Variants in VPS13B observed in about 807,000 individuals in gnomAD.
The protein encoded by VPS13B is intermembrane lipid transfer protein VPS13B.
A neutral mutation model predicts 426.4 loss-of-function variants in VPS13B; 285 were observed. The observed-to-expected ratio is 0.67, with a 90% CI of 0.61 to 0.74. The LOEUF (loss-of-function observed/expected upper bound fraction) is 0.74, where lower values mean the gene tolerates loss of function less well. VPS13B is among the 30% of genes least tolerant of loss of function. The pLI is 0.00. For synonymous variants in VPS13B, 1,676 were observed against 1,676.4 expected (o/e 1.00, Z 0.01); for missense variants, 4,537 against 4,782.6 (o/e 0.95, Z 1.51).
At chr8:99,700,643 T>C (rs1339546702) in intron 36 of VPS13B, among the ~76,000 whole-genome samples, 2 of 152,228 alleles carry the variant, frequency 1.3e-5, no homozygotes, top group African/African-American at 4.8e-5. Flanking sequence ...GATGGGAGGA[T>C]ATGTGAGAAA....
intron 27 of VPS13B, among the ~76,000 whole-genome samples, chr8:99,504,446 TTACTGC>T (rs1821393977): frequency 6.6e-6 from 1 of 152,216 alleles, no homozygotes; most frequent in South Asian, 2.1e-4. Context: ...AAAGACAGAA[TTACTGC>T]TTGATCCATG....
At chr8:99,090,253 T>C (rs1846065518) in intron 3 of VPS13B, among the ~76,000 whole-genome samples, 1 of 151,740 alleles carries the variant, frequency 6.6e-6, no homozygotes. Context: ...CTTTGTGACA[T>C]GTATAATCAT....
chr8:99,377,033 G>T (rs1813527666), intron 19 of VPS13B, among the ~76,000 whole-genome samples: 1 of 151,960 alleles, frequency 6.6e-6, no homozygotes. Context: ...TGTTGGCTGA[G>T]AAGTTGGTCA....
At chr8:99,754,976 T>A (rs545839378) in intron 39 of VPS13B, among the ~76,000 whole-genome samples, 2 of 152,192 alleles carry the variant, frequency 1.3e-5, no homozygotes, top group Non-Finnish European at 2.9e-5. Flanking sequence ...CTTGAGGCAG[T>A]GGGAACCAGT....
At chr8:99,845,969 T>C (rs1035738493) in intron 54 of VPS13B, among the ~76,000 whole-genome samples, 2 of 152,204 alleles carry the variant, frequency 1.3e-5, no homozygotes, top group African/African-American at 4.8e-5. Flanking sequence ...CAATTCTGCC[T>C]TTAGCCCATT....
At chr8:99,261,858 A>G (rs1363875237) in intron 17 of VPS13B, among the ~76,000 whole-genome samples, 8 of 152,182 alleles carry the variant, frequency 5.3e-5, no homozygotes. Context: ...CATTTTATGT[A>G]TTTATTTCAT....
chr8:99,490,553 C>CTATTAAT (rs1027499958), intron 25 of VPS13B, among the ~76,000 whole-genome samples: 1 of 152,082 alleles, frequency 6.6e-6, no homozygotes, highest in African/African-American at 2.4e-5. Flanking sequence ...GGTTGGTAGG[C>CTATTAAT]TATTAATTTT....
chr8:99,208,712 C>T (rs1030761283), intron 17 of VPS13B, among the ~76,000 whole-genome samples: 5 of 152,080 alleles, frequency 3.3e-5, no homozygotes, highest in African/African-American at 1.2e-4. Flanking sequence ...TGATAAAAGT[C>T]TTATTATCAT....
intron 43 of VPS13B, among the ~76,000 whole-genome samples, chr8:99,800,372 T>C (rs1813060629): frequency 6.6e-6 from 1 of 152,154 alleles, no homozygotes; most frequent in Non-Finnish European, 1.5e-5. Context: ...GGGAAGCCTT[T>C]AGAAGAATGA....
chr8:99,803,683 A>T (rs1813247142), intron 43 of VPS13B, among the ~76,000 whole-genome samples: 1 of 152,228 alleles, frequency 6.6e-6, no homozygotes, highest in South Asian at 2.1e-4. Context: ...TATTTCAGAT[A>T]ACGTTGAACA....
rs1044047784 is a variant in VPS13B at position 99,140,703 on chromosome 8, CCTT to C, written c.1652-2268_1652-2266del. 5.4e-5 allele frequency among the ~76,000 whole-genome samples: 8 copies of C among 147,652 alleles called. No homozygotes were observed. The East Asian group carries it at 1.2e-3, about 23-fold the overall frequency. On this transcript the variant is annotated intron_variant, in intron 12 of 61. Transcript: ENST00000357162. ...CCTTCCTCACCCTCCTCCTCCTCCT[CCTT>C]CTCCTTCTTTGTGAGTATACTTTAG...
chr8:99,612,799 A>G (rs894946418), intron 33 of VPS13B, among the ~76,000 whole-genome samples: 2 of 152,210 alleles, frequency 1.3e-5, no homozygotes, highest in Non-Finnish European at 2.9e-5. Flanking sequence ...GAGTGTGACA[A>G]TCTCAGACAT....
At chr8:99,544,382 G>A (rs1010002702) in intron 30 of VPS13B, among the ~76,000 whole-genome samples, 6 of 152,090 alleles carry the variant, frequency 3.9e-5, no homozygotes. Flanking sequence ...GTTAGTGGGT[G>A]CAGCGCACCA....
At chr8:99,029,784 A>G (rs1842416358) in intron 2 of VPS13B, among the ~76,000 whole-genome samples, 1 of 104,718 alleles carries the variant, frequency 9.5e-6, no homozygotes, top group African/African-American at 3.9e-5. Context: ...CCGTGGAAAG[A>G]GGGAGAGGGA....
chr8:99,583,973 G>A (rs1826192024), intron 33 of VPS13B, among the ~76,000 whole-genome samples: 2 of 152,000 alleles, frequency 1.3e-5, no homozygotes, highest in Non-Finnish European at 2.9e-5. Context: ...ATATGCATAG[G>A]GTGACCTCCT....
At chr8:99,861,732 A>G in intron 57 of VPS13B, 44 bp from the exon 58 acceptor site, 4 of 1,564,776 alleles carry the variant, frequency 2.6e-6, no homozygotes, top group Non-Finnish European at 3.5e-6. Flanking sequence ...GGGGTCCATC[A>G]TGTATGCGAC....
chr8:99,649,802 G>A (rs903114098), intron 34 of VPS13B, among the ~76,000 whole-genome samples: 2 of 152,116 alleles, frequency 1.3e-5, no homozygotes, highest in African/African-American at 2.4e-5. Flanking sequence ...TGGAGCTTTG[G>A]ATGTGTCCTT....
chr8:99,101,000 T>C (rs1161533288), intron 4 of VPS13B, among the ~76,000 whole-genome samples: 1 of 151,390 alleles, frequency 6.6e-6, no homozygotes, highest in Non-Finnish European at 1.5e-5. Flanking sequence ...GTTGAGATCA[T>C]GCCATTGCAC....
intron 35 of VPS13B, among the ~76,000 whole-genome samples, chr8:99,664,642 T>C (rs1314784970): frequency 2.0e-5 from 3 of 152,198 alleles, no homozygotes; most frequent in African/African-American, 4.8e-5. Flanking sequence ...ACAAAGGACA[T>C]GAACTCATCC....
Sources: gnomAD v4.1 joint callset for allele counts (sites outside exome capture counted in the v4.1 genomes callset) on GRCh38, gnomAD v4.1.1 for gene constraint, MANE v1.5 for transcripts, NCBI Gene and HGNC (gene_info 2026-07-23, HGNC 2026-07-21) for gene names.